Variants in COL4A2 observed in about 807,000 individuals in gnomAD.
The protein encoded by COL4A2 is collagen type IV alpha 2 chain, also known as collagen alpha-2(IV) chain.
Under a neutral mutation model 200.2 loss-of-function variants are expected in COL4A2, and 99 were observed. That is an observed-to-expected ratio of 0.49 (90% CI 0.42 to 0.58). The LOEUF (loss-of-function observed/expected upper bound fraction) is 0.58. COL4A2 is among the 20% of genes least tolerant of loss of function. COL4A2 has a pLI of 0.00. For synonymous variants in COL4A2, 897 were observed against 900.6 expected (o/e 1.00, Z 0.07); for missense variants, 1,950 against 2,314.1 (o/e 0.84, Z 3.23).
At chr13:110,354,192 A>G (rs1294435569) in intron 3 of COL4A2, among the ~76,000 whole-genome samples, 5 of 152,334 alleles carry the variant, frequency 3.3e-5, no homozygotes, top group Admixed American at 2.0e-4. Flanking sequence ...TTTACCCTAT[A>G]GACCCAGGAG....
Position 110,438,950 on chromosome 13 carries a change from G to A in COL4A2, c.912+282G>A, listed in dbSNP as rs61963238. On this transcript the variant is annotated intron_variant, in intron 15 of 47. Transcript: ENST00000360467. The stretch of plus-strand genomic sequence containing the variant: ...GCGGCCCTCCCCGTGGAGGAGGCGC[G>A]AGTACCGCACAAAACCTTTCTGGTT... Among the ~76,000 whole-genome samples, 12,208 of 152,238 alleles carry A rather than the reference G, an allele frequency of 0.08. 631 individuals are homozygous for A. Among genetic ancestry groups the A allele is most frequent in the East Asian group, 0.24 (1,244 of 5,164 alleles).
chr13:110,328,529 T>C (rs571716116), intron 3 of COL4A2: 1 of 152,326 alleles, frequency 6.6e-6, no homozygotes, highest in East Asian at 1.9e-4. Flanking sequence ...AATATGAAAA[T>C]AGAACAGCGC....
At chr13:110,470,516 T>C in intron 28 of COL4A2, among the ~76,000 whole-genome samples, 1 of 152,198 alleles carries the variant, frequency 6.6e-6, no homozygotes, top group Non-Finnish European at 1.5e-5. Flanking sequence ...AGACGTCTCA[T>C]GAACAGGCAG....
intron 40 of COL4A2, among the ~76,000 whole-genome samples, chr13:110,500,999 C>CGT: frequency 6.6e-6 from 1 of 152,326 alleles, no homozygotes; most frequent in East Asian, 1.9e-4. Flanking sequence ...GACAAGGACA[C>CGT]GTGTGTACAG....
In COL4A2 at chr13:110,311,940, C is replaced by T. The variant is rs139353372; in HGVS notation, c.99+3817C>T. 2.9e-3 allele frequency among the ~76,000 whole-genome samples: 436 copies of T among 151,684 alleles called. 1 individual carries two copies. The highest frequency in any genetic ancestry group is 6.8e-3 in the Middle Eastern group (2 of 294). ...GCCTGACCTTCCTGTTGGCTGCCACCGCCTTCCCTGCCCTCCAGGCCGGCA... is the reference window on the plus strand; with the variant it reads ...GCCTGACCTTCCTGTTGGCTGCCACTGCCTTCCCTGCCCTCCAGGCCGGCA... On this transcript the variant is annotated intron_variant, in intron 3 of 47. Coordinates refer to ENST00000360467, the MANE Select transcript of COL4A2 (RefSeq NM_001846.4).
intron 14 of COL4A2, 106 bp downstream of exon 14, chr13:110,438,143 G>A: frequency 1.2e-6 from 1 of 825,818 alleles, no homozygotes; most frequent in Non-Finnish European, 2.0e-6. Flanking sequence ...CACACCGCCA[G>A]TCTCTCATCC....
At chr13:110,418,362 T>G (rs552379120) in intron 4 of COL4A2, among the ~76,000 whole-genome samples, 1 of 152,244 alleles carries the variant, frequency 6.6e-6, no homozygotes, top group Non-Finnish European at 1.5e-5. Flanking sequence ...AATCAAACTT[T>G]TTAAATCTAG....
rs1883099244 is a variant in COL4A2 at position 110,485,760 on chromosome 13, TC to T, written c.3135del (p.Gly1046ValfsTer21). 6.2e-7 allele frequency: 1 copy of T among 1,613,884 alleles called. No individual in the cohort carries two copies. The highest frequency in any genetic ancestry group is 8.5e-7 in the Non-Finnish European group (1 of 1,179,944). On this transcript the variant is annotated frameshift_variant, in exon 34 of 48. Transcript: ENST00000360467. LOFTEE classifies it high-confidence loss of function. The stretch of plus-strand genomic sequence containing the variant: ...AAGGGAGACATCGGAGTCCCCGGCA[TC>T]CCCGGTTTGCCAGGATTCCCTGGGG... ...GVKGDIGVPG[I>X]PGLPGFPGVA... is the part of the protein sequence containing the mutation.
chr13:110,321,738 A>G lies in COL4A2; in HGVS notation c.99+13615A>G, dbSNP rs980786900. Among the ~76,000 whole-genome samples, 4 of 152,368 alleles carry G rather than the reference A, an allele frequency of 2.6e-5. No individual in the cohort carries two copies. In the East Asian group the frequency reaches 7.7e-4, roughly 29 times the overall value. ...ACGTGGCTGGAGAAACCTCACAATC[A>G]TGGCAGAAGGCAAGGAGGAGCAAGT... is the stretch of plus-strand genomic sequence containing the variant. On this transcript the variant is annotated intron_variant, in intron 3 of 47. Coordinates refer to ENST00000360467, the MANE Select transcript of COL4A2 (RefSeq NM_001846.4).
intron 3 of COL4A2, 147 bp from the exon 4 acceptor site, chr13:110,357,325 A>T: frequency 8.0e-7 from 1 of 1,247,018 alleles, no homozygotes. Context: ...TCTAAAAATT[A>T]GTCTATTTTT....
chr13:110,368,775 T>A (rs968238871), intron 4 of COL4A2, among the ~76,000 whole-genome samples: 1 of 145,256 alleles, frequency 6.9e-6, no homozygotes, highest in South Asian at 2.1e-4. Flanking sequence ...AATGGTAGAA[T>A]AGTTACATTA....
At chr13:110,447,563 T>C (rs1594219107) in intron 18 of COL4A2, among the ~76,000 whole-genome samples, 1 of 150,382 alleles carries the variant, frequency 6.6e-6, no homozygotes, top group African/African-American at 2.4e-5. Flanking sequence ...CCTTCTAGGT[T>C]AAAAAAAAAA....
At chr13:110,375,723 GGGAGCTGAAGGCA>G (rs1484551552) in intron 4 of COL4A2, among the ~76,000 whole-genome samples, 7 of 152,154 alleles carry the variant, frequency 4.6e-5, no homozygotes, top group African/African-American at 1.7e-4. Context: ...CCAACTATTT[GGGAGCTGAAGGCA>G]GGAGAATCAC....
chr13:110,373,179 G>A (rs552307453), intron 4 of COL4A2, among the ~76,000 whole-genome samples: 1 of 152,306 alleles, frequency 6.6e-6, no homozygotes, highest in East Asian at 1.9e-4. Context: ...GTGGGCTGCA[G>A]AATATTCATA....
intron 4 of COL4A2, among the ~76,000 whole-genome samples, chr13:110,397,598 A>G (rs563107523): frequency 9.2e-5 from 14 of 152,358 alleles, no homozygotes; most frequent in African/African-American, 3.4e-4. Flanking sequence ...GGCCAGAAGT[A>G]CTGGCTCTGA....
chr13:110,511,788 G>A (rs1315976326), intron 47 of COL4A2, 146 bp from the exon 48 acceptor site: 8 of 1,314,404 alleles, frequency 6.1e-6, no homozygotes, highest in African/African-American at 3.0e-5. Context: ...TGCTGAAGGC[G>A]CATTCGCGAG....
At chr13:110,476,951 T>G (rs748099345) in intron 29 of COL4A2, among the ~76,000 whole-genome samples, 1 of 152,214 alleles carries the variant, frequency 6.6e-6, no homozygotes, top group Non-Finnish European at 1.5e-5. Flanking sequence ...AATTAAACTT[T>G]GAGCAGCAGA....
chr13:110,465,879 A>T, intron 25 of COL4A2, 124 bp from the exon 26 acceptor site: 1 of 1,239,262 alleles, frequency 8.1e-7, no homozygotes, highest in Non-Finnish European at 1.1e-6. Flanking sequence ...GCCCATTTCA[A>T]AGCCTTCCTG....
At chr13:110,445,678 A>C (rs1463871536) in intron 16 of COL4A2, 151 bp from the exon 17 acceptor site, 1 of 1,030,586 alleles carries the variant, frequency 9.7e-7, no homozygotes, top group African/African-American at 1.6e-5. Context: ...CATTTTTGAG[A>C]CCCAAGTCAG....
Sources: gnomAD v4.1 joint callset for allele counts (sites outside exome capture counted in the v4.1 genomes callset) on GRCh38, gnomAD v4.1.1 for gene constraint, MANE v1.5 for transcripts, NCBI Gene and HGNC (gene_info 2026-07-23, HGNC 2026-07-21) for gene names.